Variants in ARHGAP15 observed in about 807,000 individuals in gnomAD.
ARHGAP15 encodes the protein rho GTPase-activating protein 15.
In ARHGAP15, 51 loss-of-function variants were observed where a neutral mutation model predicts 63.7. That is an observed-to-expected ratio of 0.80 (90% CI 0.64 to 1.01). The LOEUF (loss-of-function observed/expected upper bound fraction) is 1.01, where lower values mean the gene tolerates loss of function less well. ARHGAP15 is among the 50% of genes least tolerant of loss of function. The pLI, the probability that ARHGAP15 is intolerant of heterozygous loss-of-function variation, is 0.00. For missense variants in ARHGAP15, 560 were observed against 564.6 expected (o/e 0.99, Z 0.08); for synonymous variants, 191 against 193.8 (o/e 0.99, Z 0.12).
rs1226305426 is a variant in ARHGAP15 at position 143,665,410 on chromosome 2, A to T, written c.1139-38009A>T. 1.1e-4 allele frequency among the ~76,000 whole-genome samples: 8 copies of T among 71,072 alleles called. 1 individual carries two copies. In the East Asian group the frequency reaches 1.7e-3, roughly 16 times the overall value. 46.6% of individuals were successfully genotyped at this position (71,072 alleles called of 152,430 possible). A position where few individuals can be genotyped will look rare whatever the true frequency, so the allele number is the denominator to read the frequency against. On this transcript the variant is annotated intron_variant, in intron 12 of 13. Coordinates refer to ENST00000295095, the MANE Select transcript of ARHGAP15 (RefSeq NM_018460.4). ...TCTCAATAAATTAGGTATTGATGGG[A>T]CATATTTCAAAATAATAAGAGCTAT... is the stretch of plus-strand genomic sequence containing the variant.
At chr2:143,702,253 A>G (rs1333698517) in intron 12 of ARHGAP15, among the ~76,000 whole-genome samples, 2 of 152,216 alleles carry the variant, frequency 1.3e-5, no homozygotes, top group African/African-American at 4.8e-5. Context: ...GGCCCTGGTT[A>G]AAACTGTGGA....
intron 10 of ARHGAP15, among the ~76,000 whole-genome samples, chr2:143,532,643 G>A (rs1358503388): frequency 6.6e-6 from 1 of 152,132 alleles, no homozygotes; most frequent in Non-Finnish European, 1.5e-5. Context: ...CTCCTGAGCA[G>A]CCAACAATTA....
At chr2:143,371,275 G>C (rs1042489938) in intron 6 of ARHGAP15, among the ~76,000 whole-genome samples, 5 of 152,136 alleles carry the variant, frequency 3.3e-5, no homozygotes, top group Non-Finnish European at 5.9e-5. Flanking sequence ...TAGGTTTTAA[G>C]CCCTGCATGC....
intron 13 of ARHGAP15, among the ~76,000 whole-genome samples, chr2:143,753,785 CTCTAT>C (rs1171680056): frequency 1.3e-5 from 2 of 152,170 alleles, no homozygotes; most frequent in African/African-American, 4.8e-5. Context: ...AAAAATTACT[CTCTAT>C]TCTAAATTCC....
intron 6 of ARHGAP15, among the ~76,000 whole-genome samples, chr2:143,264,542 T>C (rs1453174977): frequency 6.6e-6 from 1 of 152,094 alleles, no homozygotes; most frequent in Non-Finnish European, 1.5e-5. Flanking sequence ...CCCTGGTATA[T>C]GAATGACATT....
chr2:143,421,871 AAG>A (rs902232485), intron 6 of ARHGAP15, among the ~76,000 whole-genome samples: 3 of 151,290 alleles, frequency 2.0e-5, no homozygotes, highest in Non-Finnish European at 4.4e-5. Flanking sequence ...AGATGACAGA[AAG>A]AGAGAGAGTG....
At chr2:143,310,701 A>G (rs1683406840) in intron 6 of ARHGAP15, among the ~76,000 whole-genome samples, 1 of 151,986 alleles carries the variant, frequency 6.6e-6, no homozygotes, top group Admixed American at 6.6e-5. Context: ...TAATTTACAT[A>G]CTTTATTTAC....
intron 1 of ARHGAP15, among the ~76,000 whole-genome samples, chr2:143,140,415 C>T (rs1245357938): frequency 6.6e-6 from 1 of 152,020 alleles, no homozygotes; most frequent in Non-Finnish European, 1.5e-5. Context: ...GGTAGGCAGC[C>T]ACTGACTCTT....
intron 6 of ARHGAP15, among the ~76,000 whole-genome samples, chr2:143,401,607 C>G (rs1687991062): frequency 6.6e-6 from 1 of 151,972 alleles, no homozygotes; most frequent in African/African-American, 2.4e-5. Context: ...TTGGGTGAGA[C>G]TTTCAAAATA....
intron 6 of ARHGAP15, among the ~76,000 whole-genome samples, chr2:143,343,654 C>A (rs1475643067): frequency 1.3e-5 from 2 of 151,970 alleles, no homozygotes; most frequent in East Asian, 3.8e-4. Flanking sequence ...TTTGGTGATT[C>A]TTCAAGCTTT....
chr2:143,763,651 C>CAT (rs898203028), intron 13 of ARHGAP15, among the ~76,000 whole-genome samples: 59 of 148,932 alleles, frequency 4.0e-4, no homozygotes, highest in Middle Eastern at 3.6e-3. Flanking sequence ...ATGCAAATTG[C>CAT]ATATATATAA....
chr2:143,734,644 G>A (rs1228070482), intron 13 of ARHGAP15, among the ~76,000 whole-genome samples: 1 of 152,178 alleles, frequency 6.6e-6, no homozygotes, highest in Admixed American at 6.5e-5. Context: ...TCCACCTGCA[G>A]TTGCTGATGT....
At chr2:143,732,941 G>C (rs1685602640) in intron 13 of ARHGAP15, among the ~76,000 whole-genome samples, 1 of 119,896 alleles carries the variant, frequency 8.3e-6, no homozygotes, top group African/African-American at 3.2e-5. Context: ...GAGCACACCA[G>C]ATGGCATTTC....
At chr2:143,189,852 T>C (rs1691611123) in intron 2 of ARHGAP15, among the ~76,000 whole-genome samples, 1 of 152,140 alleles carries the variant, frequency 6.6e-6, no homozygotes, top group African/African-American at 2.4e-5. Flanking sequence ...ATTTAAAAAA[T>C]ATATTTATAT....
At chr2:143,501,508 A>G (rs1465122081) in intron 9 of ARHGAP15, among the ~76,000 whole-genome samples, 10 of 152,344 alleles carry the variant, frequency 6.6e-5, no homozygotes, top group Non-Finnish European at 1.5e-4. Context: ...AGAAGATATC[A>G]TAAACATTTT....
intron 13 of ARHGAP15, among the ~76,000 whole-genome samples, chr2:143,742,332 AAC>A (rs1685993055): frequency 6.6e-6 from 1 of 152,206 alleles, no homozygotes; most frequent in South Asian, 2.1e-4. Context: ...TGCAGATGGA[AAC>A]ACAGGATATC....
At chr2:143,375,198 T>G (rs1686749827) in intron 6 of ARHGAP15, among the ~76,000 whole-genome samples, 1 of 152,310 alleles carries the variant, frequency 6.6e-6, no homozygotes, top group South Asian at 2.1e-4. Context: ...ACATTAGTGA[T>G]GTTATGCTAA....
intron 9 of ARHGAP15, among the ~76,000 whole-genome samples, chr2:143,509,898 G>A (rs1219595444): frequency 6.6e-6 from 1 of 151,794 alleles, no homozygotes; most frequent in African/African-American, 2.4e-5. Context: ...GCGCATGCCT[G>A]TAATCCCAGC....
In ARHGAP15 at chr2:143,522,162, T is replaced by A. The variant is rs1185729657; in HGVS notation, c.925+2798T>A. The A allele has an allele frequency of 3.9e-5, 6 of 152,232 alleles. No homozygotes were observed. The East Asian group carries it at 1.2e-3, about 29-fold the overall frequency. The allele number at this position is 152,232 out of a possible 1,614,324, so 9.4% of individuals were successfully genotyped here. A position where few individuals can be genotyped will look rare whatever the true frequency, so the allele number is the denominator to read the frequency against. On this transcript the variant is annotated intron_variant, in intron 10 of 13. Transcript: ENST00000295095. ...TAAACTGAATGTGAACCAATTTAGC[T>A]AATAACTTGTTTAGTATGTTTCCTT...
Sources: gnomAD v4.1 joint callset for allele counts (sites outside exome capture counted in the v4.1 genomes callset) on GRCh38, gnomAD v4.1.1 for gene constraint, MANE v1.5 for transcripts, NCBI Gene and HGNC (gene_info 2026-07-23, HGNC 2026-07-21) for gene names.